Variants in ITFG1 observed in about 807,000 individuals in gnomAD.
The protein encoded by ITFG1 is integrin alpha FG-GAP repeat containing 1, also known as T-cell immunomodulatory protein.
In ITFG1, 34 loss-of-function variants were observed where a neutral mutation model predicts 81.8. The observed-to-expected ratio is 0.42, with a 90% CI of 0.32 to 0.55. The LOEUF (loss-of-function observed/expected upper bound fraction) is 0.55, where lower values mean the gene tolerates loss of function less well. Among genes scored for constraint, ITFG1 ranks in the 20% least tolerant of loss-of-function variants. The pLI is 0.17. For synonymous variants in ITFG1, 285 were observed against 270.6 expected (o/e 1.05, Z -0.52); for missense variants, 672 against 755.4 (o/e 0.89, Z 1.29).
chr16:47,378,926 A>G (rs1968361037), intron 6 of ITFG1, among the ~76,000 whole-genome samples: 1 of 152,202 alleles, frequency 6.6e-6, no homozygotes, highest in African/African-American at 2.4e-5. Context: ...AAGGAAATGT[A>G]CTCCAGAAAC....
intron 10 of ITFG1, among the ~76,000 whole-genome samples, chr16:47,279,611 A>G (rs1294208529): frequency 6.6e-6 from 1 of 152,090 alleles, no homozygotes; most frequent in Non-Finnish European, 1.5e-5. Context: ...TGATTTAGCT[A>G]TTTTGGTTCC....
At chr16:47,398,978 C>A (rs1190274181) in intron 6 of ITFG1, among the ~76,000 whole-genome samples, 4 of 152,176 alleles carry the variant, frequency 2.6e-5, no homozygotes, top group Non-Finnish European at 2.9e-5. Context: ...AGGAAGGAGA[C>A]AAGAGTACAT....
intron 8 of ITFG1, among the ~76,000 whole-genome samples, chr16:47,325,632 T>TA (rs1967526027): frequency 6.6e-6 from 1 of 151,932 alleles, no homozygotes; most frequent in African/African-American, 2.4e-5. Context: ...TAAAAAATGA[T>TA]AAAGGGGATA....
At chr16:47,435,423 C>A (rs1009603074) in intron 5 of ITFG1, among the ~76,000 whole-genome samples, 7 of 152,120 alleles carry the variant, frequency 4.6e-5, no homozygotes, top group Non-Finnish European at 1.0e-4. Flanking sequence ...CATTTCTTGA[C>A]CTCTGTAGAA....
intron 5 of ITFG1, chr16:47,449,914 GT>G: frequency 6.6e-6 from 1 of 152,302 alleles, no homozygotes; most frequent in Middle Eastern, 3.4e-3. Flanking sequence ...AACAATAGCT[GT>G]TTCACTTTCA....
chr16:47,442,233 A>G (rs766027146), intron 5 of ITFG1, among the ~76,000 whole-genome samples: 1 of 152,198 alleles, frequency 6.6e-6, no homozygotes, highest in Non-Finnish European at 1.5e-5. Context: ...AACAATCAAT[A>G]TCGTGAAAAT....
At chr16:47,437,450 A>AGAGT (rs1220563901) in intron 5 of ITFG1, among the ~76,000 whole-genome samples, 1 of 151,164 alleles carries the variant, frequency 6.6e-6, no homozygotes, top group Non-Finnish European at 1.5e-5. Flanking sequence ...CCTGGGTGAC[A>AGAGT]GAGTGAGAGT....
chr16:47,281,030 G>A (rs189083752), intron 10 of ITFG1, among the ~76,000 whole-genome samples: 1 of 152,256 alleles, frequency 6.6e-6, no homozygotes, highest in East Asian at 1.9e-4. Context: ...GCATTTTCCA[G>A]AGTTTGGTGA....
intron 8 of ITFG1, among the ~76,000 whole-genome samples, chr16:47,314,669 G>A (rs1211765447): frequency 6.6e-6 from 1 of 152,162 alleles, no homozygotes; most frequent in Non-Finnish European, 1.5e-5. Flanking sequence ...GGGGTTTACA[G>A]ATTTTGATGT....
Position 47,396,524 on chromosome 16 carries a change from T to TGTGTGTGTGTGTGTGTGTG in ITFG1, c.656-20585_656-20584insCACACACACACACACACAC, listed in dbSNP as rs1555514103. On this transcript the variant is annotated intron_variant, in intron 6 of 17. Transcript: ENST00000320640. ...ACAGTCTCCTAACCTAATAATTATT[T>TGTGTGTGTGTGTGTGTGTG]TGTGTGTGTGTGTGTGTGTGAAAGA... Among the ~76,000 whole-genome samples, 97 of 149,200 alleles carry TGTGTGTGTGTGTGTGTGTG rather than the reference T, an allele frequency of 6.5e-4. 1 individual carries two copies. The highest frequency in any genetic ancestry group is 2.1e-3 in the African/African-American group (83 of 40,282).
At chr16:47,352,898 C>G (rs552221212) in intron 8 of ITFG1, among the ~76,000 whole-genome samples, 2 of 152,186 alleles carry the variant, frequency 1.3e-5, no homozygotes, top group South Asian at 4.2e-4. Flanking sequence ...ATGAGTTCAT[C>G]TCCTTTGTAG....
chr16:47,331,293 CAG>C (rs1275131237), intron 8 of ITFG1, among the ~76,000 whole-genome samples: 2 of 151,986 alleles, frequency 1.3e-5, no homozygotes, highest in East Asian at 1.9e-4. Context: ...AAGATAGAAA[CAG>C]ACACTGGGGA....
chr16:47,255,530 A>G (rs1966129396), intron 12 of ITFG1, among the ~76,000 whole-genome samples: 1 of 152,194 alleles, frequency 6.6e-6, no homozygotes, highest in Non-Finnish European at 1.5e-5. Context: ...AGTTTCACCT[A>G]TTTTGGTAGA....
At chr16:47,182,054 CAGGGTCCTCTGCCT>C (rs1965131927) in intron 14 of ITFG1, among the ~76,000 whole-genome samples, 1 of 152,088 alleles carries the variant, frequency 6.6e-6, no homozygotes, top group Admixed American at 6.5e-5. Context: ...CGGAAGGCCA[CAGGGTCCTCTGCCT>C]AGGAAAACCA....
intron 10 of ITFG1, among the ~76,000 whole-genome samples, chr16:47,270,473 G>A (rs1323683859): frequency 6.6e-6 from 1 of 152,250 alleles, no homozygotes; most frequent in Non-Finnish European, 1.5e-5. Context: ...CGATTTTGGA[G>A]AAAATGTGGA....
chr16:47,183,701 A>G (rs1302126770), intron 14 of ITFG1, among the ~76,000 whole-genome samples: 1 of 152,220 alleles, frequency 6.6e-6, no homozygotes, highest in African/African-American at 2.4e-5. Flanking sequence ...ACAGAGCAGA[A>G]AAACTGGAAA....
intron 6 of ITFG1, among the ~76,000 whole-genome samples, chr16:47,428,293 G>T (rs370793149): frequency 6.6e-6 from 1 of 152,190 alleles, no homozygotes; most frequent in Non-Finnish European, 1.5e-5. Flanking sequence ...GGAGGAACTT[G>T]TAGGTGCATT....
chr16:47,347,447 C>T (rs1967873826), intron 8 of ITFG1, among the ~76,000 whole-genome samples: 1 of 152,256 alleles, frequency 6.6e-6, no homozygotes, highest in African/African-American at 2.4e-5. Context: ...TTGCTCATTG[C>T]TAGCGCAGCA....
chr16:47,184,099 G>A (rs1013845835), intron 14 of ITFG1, among the ~76,000 whole-genome samples: 5 of 152,086 alleles, frequency 3.3e-5, no homozygotes, highest in African/African-American at 1.2e-4. Context: ...AAAGAAATGA[G>A]CAAAGCCTCC....
Sources: gnomAD v4.1 joint callset for allele counts (sites outside exome capture counted in the v4.1 genomes callset) on GRCh38, gnomAD v4.1.1 for gene constraint, MANE v1.5 for transcripts, NCBI Gene and HGNC (gene_info 2026-07-23, HGNC 2026-07-21) for gene names.